The following KCNQ1 variants were observed in gnomAD, a reference collection of about 807,000 sequenced individuals.
KCNQ1 encodes potassium voltage-gated channel subfamily Q member 1, also known as potassium voltage-gated channel subfamily KQT member 1.
KCNQ1 carries 49 observed loss-of-function variants against 72.4 expected under a neutral mutation model. The observed-to-expected ratio is 0.68, with a 90% CI of 0.54 to 0.86. The LOEUF (loss-of-function observed/expected upper bound fraction) is 0.86. Ranked by LOEUF, KCNQ1 falls within the 40% of genes least tolerant of loss-of-function variation. The pLI, the probability that KCNQ1 is intolerant of heterozygous loss-of-function variation, is 0.00. For synonymous variants in KCNQ1, 450 were observed against 412.6 expected, an observed-to-expected ratio of 1.09 and a Z score of -1.10; for missense variants, 790 against 945.1, an observed-to-expected ratio of 0.84 and a Z score of 2.15.
Position 2,693,025 on chromosome 11 carries a change from G to T in KCNQ1, c.1514+30944G>T, listed in dbSNP as rs1352194705. 5.0e-6 allele frequency: 2 copies of T among 398,534 alleles called. 1 individual carries two copies. The highest frequency in any genetic ancestry group is 8.8e-5 in the Admixed American group (2 of 22,718). 24.7% of individuals were successfully genotyped at this position (398,534 alleles called of 1,614,324 possible). On this transcript the variant is annotated intron_variant, in intron 11 of 15. Coordinates refer to ENST00000155840, the MANE Select transcript of KCNQ1 (RefSeq NM_000218.3). ...GCAAGCACGCTCAGTGAAGGAACAG[G>T]AAGTCCTTTCTGGAGCAGGGGGAGA...
intron 12 of KCNQ1, 142 bp from the exon 13 acceptor site, chr11:2,775,818 A>C (rs1846683839): frequency 2.5e-6 from 2 of 808,050 alleles, no homozygotes; most frequent in East Asian, 5.3e-5. Context: ...CACGCTTGGA[A>C]CCAGGCTTAT....
At chr11:2,761,053 G>C (rs1304180543) in intron 11 of KCNQ1, among the ~76,000 whole-genome samples, 1 of 152,212 alleles carries the variant, frequency 6.6e-6, no homozygotes, top group Admixed American at 6.5e-5. Flanking sequence ...TTCTTGCCTT[G>C]GCGTACTGGA....
chr11:2,606,397 C>A (rs1301884934), intron 10 of KCNQ1, among the ~76,000 whole-genome samples: 2 of 152,114 alleles, frequency 1.3e-5, no homozygotes, highest in African/African-American at 4.8e-5. Flanking sequence ...ATGGACGGAG[C>A]CCTCGTGAAT....
chr11:2,554,319 A>G (rs1225550397), intron 2 of KCNQ1, among the ~76,000 whole-genome samples: 1 of 152,240 alleles, frequency 6.6e-6, no homozygotes, highest in Non-Finnish European at 1.5e-5. Flanking sequence ...AAGTCAGCAG[A>G]TACAGGGCTA....
At chr11:2,635,711 T>C (rs1849453668) in intron 10 of KCNQ1, 1 of 152,224 alleles carries the variant, frequency 6.6e-6, no homozygotes, top group Non-Finnish European at 1.5e-5. Context: ...TTTTTCCAAT[T>C]CTGTGAAGAA....
chr11:2,637,489 C>T (rs545237799), intron 10 of KCNQ1: 38 of 152,134 alleles, frequency 2.5e-4, no homozygotes, highest in Non-Finnish European at 2.4e-4. Context: ...TGTCGTTGAG[C>T]GGTTTTGAGT....
rs2133634332 is a variant in KCNQ1 at position 2,495,758 on chromosome 11, T to C, written c.387-32170T>C. Among the ~76,000 whole-genome samples the C allele has an allele frequency of 6.6e-6, 1 of 152,352 alleles. No homozygotes were observed. Among genetic ancestry groups the C allele is most frequent in the Middle Eastern group, 3.4e-3 (1 of 294 alleles). ...TGCTGAGGAGTGTTTTACTTCCAGT[T>C]ATGTGGTCAATTTTAGAATAAGTGC... is the stretch of plus-strand genomic sequence containing the variant. On this transcript the variant is annotated intron_variant, in intron 1 of 15. Transcript: ENST00000155840. This position sits in a 1 kb window ranked among gnomAD's most constrained non-coding sequence, Gnocchi z 4.6.
intron 6 of KCNQ1, among the ~76,000 whole-genome samples, chr11:2,582,098 C>T (rs1047876855): frequency 3.9e-5 from 6 of 152,222 alleles, no homozygotes; most frequent in Non-Finnish European, 8.8e-5. Flanking sequence ...GCGTTCATCA[C>T]TGTTCGTTAA....
intron 15 of KCNQ1, among the ~76,000 whole-genome samples, chr11:2,791,097 A>C (rs974080960): frequency 2.6e-5 from 4 of 152,206 alleles, no homozygotes; most frequent in African/African-American, 9.7e-5. Context: ...CAGAGAGGAA[A>C]TTTAAGTCTT....
chr11:2,636,514 C>T (rs1038774239), intron 10 of KCNQ1: 3 of 152,166 alleles, frequency 2.0e-5, no homozygotes, highest in African/African-American at 7.2e-5. Context: ...TTGAACCAGC[C>T]TTGCATCCCA....
At chr11:2,460,789 G>A (rs2133581163) in intron 1 of KCNQ1, among the ~76,000 whole-genome samples, 1 of 152,358 alleles carries the variant, frequency 6.6e-6, no homozygotes, top group South Asian at 2.1e-4. Flanking sequence ...TCTCCACAGT[G>A]GGGGACCAGA....
chr11:2,659,064 C>T lies in KCNQ1; in HGVS notation c.1394-2897C>T, dbSNP rs948474816. 3 of 398,490 alleles carry T rather than the reference C, an allele frequency of 7.5e-6. No individual in the cohort carries two copies. Among genetic ancestry groups the T allele is most frequent in the African/African-American group, 2.1e-5 (1 of 48,626 alleles). The allele number at this position is 398,490 out of a possible 1,614,324, so 24.7% of individuals were successfully genotyped here. A position where few individuals can be genotyped will look rare whatever the true frequency, so the allele number is the denominator to read the frequency against. On this transcript the variant is annotated intron_variant, in intron 10 of 15. Transcript: ENST00000155840. The surrounding 1 kb of genome is among the most constrained non-coding windows in gnomAD (Gnocchi z 4.3). ...CTATGTCATTTGTTTGTAACACGCT[C>T]ATCATAGTCTGCTTTTCATCGTAGG...
chr11:2,450,111 C>T lies in KCNQ1; in HGVS notation c.386+4627C>T, dbSNP rs977185725. Among the ~76,000 whole-genome samples, 15 of 152,308 alleles carry T rather than the reference C, an allele frequency of 9.8e-5. No individual in the cohort carries two copies. Among genetic ancestry groups the T allele is most frequent in the African/African-American group, 3.1e-4 (13 of 41,564 alleles). On this transcript the variant is annotated intron_variant, in intron 1 of 15. Coordinates refer to ENST00000155840, the MANE Select transcript of KCNQ1 (RefSeq NM_000218.3). This position sits in a 1 kb window ranked among gnomAD's most constrained non-coding sequence, Gnocchi z 7.9. ...CGCCTTGTCTGGGAGGTGGACGAGC[C>T]CTCCGTAGCCCTGACATTCCAAACT...
In KCNQ1 at chr11:2,661,939, T is replaced by C; in HGVS notation, c.1394-22T>C. 1.2e-6 allele frequency: 2 copies of C among 1,614,154 alleles called. No homozygotes were observed. The highest frequency in any genetic ancestry group is 1.7e-6 in the Non-Finnish European group (2 of 1,180,038). On this transcript the variant is annotated intron_variant, in intron 10 of 15. Coordinates refer to ENST00000155840, the MANE Select transcript of KCNQ1 (RefSeq NM_000218.3). The surrounding 1 kb of genome is among the most constrained non-coding windows in gnomAD (Gnocchi z 5.9). Reference sequence around the variant, plus strand: ...AGGTTGGGTGGGAGGCCTAACGTGCTGTCCCCACACTTTCTCCTCAGTAAG... The same window carrying C: ...AGGTTGGGTGGGAGGCCTAACGTGCCGTCCCCACACTTTCTCCTCAGTAAG...
intron 1 of KCNQ1, among the ~76,000 whole-genome samples, chr11:2,514,534 G>A (rs755024032): frequency 1.6e-4 from 25 of 152,204 alleles, no homozygotes; most frequent in Admixed American, 1.4e-3. Context: ...AGAAAGACTT[G>A]GCCGGGCGAG....
chr11:2,732,962 C>T (rs1845879382), intron 11 of KCNQ1, among the ~76,000 whole-genome samples: 1 of 152,148 alleles, frequency 6.6e-6, no homozygotes, highest in African/African-American at 2.4e-5. Flanking sequence ...CTGCTGGGGG[C>T]TGGTGACCAC....
chr11:2,590,497 C>A (rs765355712), intron 10 of KCNQ1, among the ~76,000 whole-genome samples: 1 of 152,226 alleles, frequency 6.6e-6, no homozygotes, highest in Non-Finnish European at 1.5e-5. Flanking sequence ...CCACATGAAA[C>A]AGTGGCCTTG....
Position 2,555,075 on chromosome 11 carries a change from G to A in KCNQ1, c.478-15553G>A, listed in dbSNP as rs11828262. ...AGGCCTTCCTGTCCCAACACTGCGCGGGCCCCTGAAGGGCCGGTGTGGGTT... is the reference window on the plus strand; with the variant it reads ...AGGCCTTCCTGTCCCAACACTGCGCAGGCCCCTGAAGGGCCGGTGTGGGTT... On this transcript the variant is annotated intron_variant, in intron 2 of 15. Transcript: ENST00000155840. Among the ~76,000 whole-genome samples, 1,204 of 152,274 alleles carry A rather than the reference G, an allele frequency of 7.9e-3. 16 individuals are homozygous for A. The highest frequency in any genetic ancestry group is 0.028 in the African/African-American group (1,165 of 41,546).
rs186694785 is a variant in KCNQ1, at chr11:2,703,003, G to A, written c.1514+40922G>A. On this transcript the variant is annotated intron_variant, in intron 11 of 15. Transcript: ENST00000155840. This position sits in a 1 kb window ranked among gnomAD's most constrained non-coding sequence, Gnocchi z 6.4. Reference sequence around the variant, plus strand: ...GGAAGAGTGGAGAGGAAAACAGGCCGAGACTGAGAGGGGTTTGTTGTCTCG... The same window carrying A: ...GGAAGAGTGGAGAGGAAAACAGGCCAAGACTGAGAGGGGTTTGTTGTCTCG... Among the ~76,000 whole-genome samples the A allele has an allele frequency of 1.6e-3, 240 of 152,278 alleles. 2 individuals are homozygous for A. The highest frequency in any genetic ancestry group is 1.8e-3 in the Non-Finnish European group (122 of 68,032).
Sources: allele counts gnomAD v4.1 joint callset (sites outside exome capture counted in the v4.1 genomes callset), GRCh38; gene constraint gnomAD v4.1.1; non-coding constraint Gnocchi (gnomAD v3.1); transcripts MANE v1.5; gene names NCBI Gene and HGNC (gene_info 2026-07-23, HGNC 2026-07-21).